The following SLC22A23 variants were observed in gnomAD, a reference collection of about 807,000 sequenced individuals.
The protein encoded by SLC22A23 is solute carrier family 22 member 23.
Under a neutral mutation model 61.0 loss-of-function variants are expected in SLC22A23, and 26 were observed. That is an observed-to-expected ratio of 0.43 (90% CI 0.31 to 0.59). The LOEUF (loss-of-function observed/expected upper bound fraction) is 0.59, where lower values mean the gene tolerates loss of function less well. Among genes scored for constraint, SLC22A23 ranks in the 20% least tolerant of loss-of-function variants. The pLI is 0.11. For synonymous variants in SLC22A23, 430 were observed against 413.9 expected (o/e 1.04, Z -0.47); for missense variants, 796 against 934.7 (o/e 0.85, Z 1.94).
rs571722366 is a variant in SLC22A23, at chr6:3,287,891, G to A, written c.1314-800C>T. On this transcript the variant is annotated intron_variant, in intron 6 of 9. Coordinates refer to ENST00000406686, the MANE Select transcript of SLC22A23 (RefSeq NM_015482.2). ...GTAGAGACAGGGTTTCACCATGTTG[G>A]ACAGGCTGGCCTCGAACTCCTGATC... Among the ~76,000 whole-genome samples the A allele has an allele frequency of 6.9e-3, 1,043 of 152,180 alleles. 14 individuals carry two copies. Among genetic ancestry groups the A allele is most frequent in the African/African-American group, 0.024 (1,003 of 41,514 alleles).
At chr6:3,406,052 A>C (rs1425030020) in intron 3 of SLC22A23, among the ~76,000 whole-genome samples, 2 of 152,024 alleles carry the variant, frequency 1.3e-5, no homozygotes, top group Non-Finnish European at 2.9e-5. Context: ...GGGGGAAAAA[A>C]CCCTTCATTT....
At chr6:3,306,939 G>C (rs1182239330) in intron 4 of SLC22A23, among the ~76,000 whole-genome samples, 1 of 152,256 alleles carries the variant, frequency 6.6e-6, no homozygotes, top group Non-Finnish European at 1.5e-5. Context: ...CCCAGGGGTA[G>C]AGGGAGGCAG....
chr6:3,428,491 G>C (rs114674100), intron 1 of SLC22A23, among the ~76,000 whole-genome samples: 4 of 152,058 alleles, frequency 2.6e-5, no homozygotes, highest in Non-Finnish European at 5.9e-5. Context: ...TTGGCTTTGC[G>C]TAACAAGCCA....
intron 3 of SLC22A23, among the ~76,000 whole-genome samples, chr6:3,359,659 AAC>A (rs2127446282): frequency 6.6e-6 from 1 of 152,302 alleles, no homozygotes; most frequent in South Asian, 2.1e-4. Context: ...CATAGAATTA[AAC>A]AGAGGATTAC....
At chr6:3,345,195 CAG>C (rs147873974) in intron 3 of SLC22A23, among the ~76,000 whole-genome samples, 5,181 of 152,200 alleles carry the variant, frequency 0.034, 318 homozygotes, top group African/African-American at 0.12. Context: ...AATTAGCACA[CAG>C]AGGTGTCTGA....
intron 1 of SLC22A23, among the ~76,000 whole-genome samples, chr6:3,437,252 C>CA (rs199637356): frequency 0.014 from 2,078 of 150,468 alleles, 45 homozygotes; most frequent in African/African-American, 0.046. Flanking sequence ...CACATAAAAC[C>CA]AAAAAAAAAC....
At chr6:3,405,717 A>G (rs1254325246) in intron 3 of SLC22A23, among the ~76,000 whole-genome samples, 2 of 152,024 alleles carry the variant, frequency 1.3e-5, no homozygotes, top group East Asian at 3.9e-4. Context: ...GGGAAATATC[A>G]AAGTGTAAAA....
At chr6:3,383,176 C>A (rs1284368475) in intron 3 of SLC22A23, among the ~76,000 whole-genome samples, 1 of 152,206 alleles carries the variant, frequency 6.6e-6, no homozygotes, top group Non-Finnish European at 1.5e-5. Flanking sequence ...CAGGCGGCAT[C>A]TCAGAAATAA....
chr6:3,300,789 A>C (rs1561880986), intron 4 of SLC22A23, among the ~76,000 whole-genome samples: 1 of 152,204 alleles, frequency 6.6e-6, no homozygotes, highest in Non-Finnish European at 1.5e-5. Context: ...TACATGATGA[A>C]GTTGTTCCCA....
At chr6:3,300,251 C>T (rs144539656) in intron 4 of SLC22A23, among the ~76,000 whole-genome samples, 3,460 of 152,130 alleles carry the variant, frequency 0.023, 50 homozygotes, top group Non-Finnish European at 0.035. Context: ...CCTCGTGATC[C>T]GCCTGCCTCG....
chr6:3,378,430 G>C lies in SLC22A23; in HGVS notation c.913+31758C>G, dbSNP rs565807155. ...TAAAACTTTTTACAAAGCGACCATT[G>C]CTGCTGTTGCTACTGAGGCAACAGG... is the stretch of plus-strand genomic sequence containing the variant. On this transcript the variant is annotated intron_variant, in intron 3 of 9. Coordinates refer to ENST00000406686, the MANE Select transcript of SLC22A23 (RefSeq NM_015482.2). 2.6e-5 allele frequency among the ~76,000 whole-genome samples: 4 copies of C among 152,178 alleles called. No individual in the cohort carries two copies. The South Asian group carries it at 8.3e-4, about 32-fold the overall frequency.
intron 9 of SLC22A23, among the ~76,000 whole-genome samples, chr6:3,274,637 C>T (rs1202872974): frequency 2.0e-5 from 3 of 152,190 alleles, no homozygotes; most frequent in East Asian, 1.9e-4. Context: ...GCTCCTAACT[C>T]ACCAAAAGAC....
chr6:3,343,242 CA>C (rs1487935079), intron 3 of SLC22A23, among the ~76,000 whole-genome samples: 1 of 152,172 alleles, frequency 6.6e-6, no homozygotes, highest in East Asian at 1.9e-4. Context: ...ACTTCAGCAG[CA>C]AACAGAGACA....
intron 3 of SLC22A23, among the ~76,000 whole-genome samples, chr6:3,403,190 A>C (rs962681601): frequency 7.3e-6 from 1 of 137,732 alleles, no homozygotes; most frequent in African/African-American, 2.7e-5. Flanking sequence ...TTTTTTTTTT[A>C]CTTGTTTTCA....
intron 3 of SLC22A23, among the ~76,000 whole-genome samples, chr6:3,365,894 C>G (rs1765777602): frequency 6.6e-6 from 1 of 152,172 alleles, no homozygotes. Flanking sequence ...TAACCAAAGA[C>G]TTGTTAGTTT....
chr6:3,442,552 C>T lies in SLC22A23; in HGVS notation c.654+13354G>A, dbSNP rs192517911. Among the ~76,000 whole-genome samples the T allele has an allele frequency of 8.5e-5, 13 of 152,246 alleles. No individual in the cohort carries two copies. In the East Asian group the frequency reaches 1.9e-3, roughly 23 times the overall value. On this transcript the variant is annotated intron_variant, in intron 1 of 9. Transcript: ENST00000406686. Reference sequence around the variant, plus strand: ...TTCCTCAACACATAGCAATCAAGGGCGCCCAATTTGTAAAGCATCTTGTAA... The same window carrying T: ...TTCCTCAACACATAGCAATCAAGGGTGCCCAATTTGTAAAGCATCTTGTAA...
chr6:3,381,223 A>G (rs890243868), intron 3 of SLC22A23, among the ~76,000 whole-genome samples: 3 of 151,952 alleles, frequency 2.0e-5, no homozygotes, highest in African/African-American at 7.2e-5. Flanking sequence ...GGGACACCAC[A>G]TCTCCCCAGC....
intron 4 of SLC22A23, among the ~76,000 whole-genome samples, chr6:3,314,640 G>A (rs1762532167): frequency 6.6e-6 from 1 of 151,996 alleles, no homozygotes; most frequent in Non-Finnish European, 1.5e-5. Context: ...AAAAATTAGG[G>A]CTATTTACAT....
At chr6:3,413,851 G>A (rs1388478706) in intron 2 of SLC22A23, among the ~76,000 whole-genome samples, 2 of 152,120 alleles carry the variant, frequency 1.3e-5, no homozygotes, top group African/African-American at 4.8e-5. Context: ...AAACTGAAAG[G>A]GAAGGCCACT....
Sources: allele counts gnomAD v4.1 joint callset (sites outside exome capture counted in the v4.1 genomes callset), GRCh38; gene constraint gnomAD v4.1.1; transcripts MANE v1.5; gene names NCBI Gene and HGNC (gene_info 2026-07-23, HGNC 2026-07-21).